Variants in PRMT3 observed in about 807,000 individuals in gnomAD.
PRMT3 encodes the protein protein arginine methyltransferase 3.
In PRMT3, 62 loss-of-function variants were observed where a neutral mutation model predicts 71.9. The ratio of observed to expected loss-of-function variants is 0.86; its 90% confidence interval spans 0.70 to 1.07. The LOEUF (loss-of-function observed/expected upper bound fraction) is 1.07, where lower values mean the gene tolerates loss of function less well. Among genes scored for constraint, PRMT3 ranks in the 50% least tolerant of loss-of-function variants. PRMT3 has a pLI of 0.00. For missense variants in PRMT3, 663 were observed against 643.0 expected (o/e 1.03, Z -0.34); for synonymous variants, 213 against 220.4 (o/e 0.97, Z 0.30).
chr11:20,417,708 A>G (rs922341456), intron 9 of PRMT3, among the ~76,000 whole-genome samples: 2 of 151,892 alleles, frequency 1.3e-5, no homozygotes, highest in Non-Finnish European at 2.9e-5. Flanking sequence ...ACTGTATACT[A>G]TCTCTTGTTG....
intron 10 of PRMT3, among the ~76,000 whole-genome samples, chr11:20,430,796 C>T (rs1003769167): frequency 1.3e-5 from 2 of 152,060 alleles, no homozygotes; most frequent in African/African-American, 2.4e-5. Flanking sequence ...AGTCATCATG[C>T]TCTACATTTT....
chr11:20,467,601 T>C (rs935258834), intron 13 of PRMT3, among the ~76,000 whole-genome samples: 5 of 118,904 alleles, frequency 4.2e-5, no homozygotes, highest in Non-Finnish European at 7.0e-5. Context: ...GGAAAGAGAA[T>C]ATGTATAATC....
intron 7 of PRMT3, 151 bp from the exon 8 acceptor site, chr11:20,402,768 G>T: frequency 5.1e-5 from 29 of 563,686 alleles, no homozygotes; most frequent in South Asian, 1.2e-4. Context: ...ATTCTTTATT[G>T]TTTTCTTAGG....
chr11:20,430,457 TAAG>T (rs1849631931), intron 10 of PRMT3, among the ~76,000 whole-genome samples: 2 of 152,190 alleles, frequency 1.3e-5, no homozygotes, highest in Admixed American at 6.5e-5. Context: ...TTTTTCTAGA[TAAG>T]AATGTAATTT....
chr11:20,392,214 T>C lies in PRMT3; in HGVS notation c.251T>C (p.Leu84Pro). The C allele has an allele frequency of 6.4e-7, 1 of 1,571,674 alleles. No homozygotes were observed. Among genetic ancestry groups the C allele is most frequent in the Non-Finnish European group, 8.7e-7 (1 of 1,152,070 alleles). The change falls in exon 4 of 16, where the codon CTT becomes CCT. Residue 84 changes from leucine (L) to proline (P), a missense_variant. Physicochemically the swap from Leu to Pro is moderately conservative, Grantham distance 98. Transcript: ENST00000331079. ...AATTATCTTTTTCCCCCTTTAGGAC[T>C]TGAATTTTATGGATACATTAAGCTA... ...NIDSMVHKHG[L>P]EFYGYIKLIN...
In PRMT3 at chr11:20,494,235, A is replaced by C. The variant is rs946211842; in HGVS notation, c.1467A>C (p.Lys489Asn). The change falls in exon 15 of 16, where the codon AAA becomes AAC. Residue 489 changes from lysine to asparagine, a missense_variant. Coordinates refer to ENST00000331079, the MANE Select transcript of PRMT3 (RefSeq NM_005788.4). ...AACAAACAGTATTTCTACTGGAAAA[A>C]CCATTTTCAGTTAAAGCAGGTGAGA... ...HWKQTVFLLE[K>N]PFSVKAGEAL... The C allele has an allele frequency of 1.9e-6, 3 of 1,604,158 alleles. No homozygotes were observed. The highest frequency in any genetic ancestry group is 2.7e-5 in the African/African-American group (2 of 74,704).
intron 5 of PRMT3, among the ~76,000 whole-genome samples, chr11:20,393,256 G>A (rs1848755877): frequency 6.6e-6 from 1 of 152,158 alleles, no homozygotes; most frequent in Admixed American, 6.5e-5. Flanking sequence ...GACCATCATG[G>A]CTAACACAGT....
At chr11:20,438,478 G>A (rs1414918994) in intron 10 of PRMT3, among the ~76,000 whole-genome samples, 2 of 152,098 alleles carry the variant, frequency 1.3e-5, no homozygotes, top group African/African-American at 4.8e-5. Flanking sequence ...GGGTGTCTCT[G>A]CAACTCGGAC....
chr11:20,481,170 T>C (rs922910980), intron 13 of PRMT3, among the ~76,000 whole-genome samples: 115 of 152,232 alleles, frequency 7.6e-4, no homozygotes, highest in Non-Finnish European at 8.8e-5. Flanking sequence ...CTTGAGGCTG[T>C]TGGATTCCAA....
rs543707539 is a variant in PRMT3, at chr11:20,440,536, A to G, written c.994-11594A>G. On this transcript the variant is annotated intron_variant, in intron 10 of 15. Coordinates refer to ENST00000331079, the MANE Select transcript of PRMT3 (RefSeq NM_005788.4). ...GAGAAAATAAATTGGACTGGACTACATCAAAATTAAGAAATTCTGTCATAA... is the reference window on the plus strand; with the variant it reads ...GAGAAAATAAATTGGACTGGACTACGTCAAAATTAAGAAATTCTGTCATAA... 1.5e-3 allele frequency among the ~76,000 whole-genome samples: 225 copies of G among 151,758 alleles called. 1 individual carries two copies. Among genetic ancestry groups the G allele is most frequent in the African/African-American group, 5.2e-3 (216 of 41,444 alleles).
intron 13 of PRMT3, among the ~76,000 whole-genome samples, chr11:20,485,917 T>TA (rs1383212035): frequency 6.6e-6 from 1 of 152,236 alleles, no homozygotes; most frequent in Non-Finnish European, 1.5e-5. Context: ...CAAATGTTTA[T>TA]AGCAGCATTA....
intron 2 of PRMT3, among the ~76,000 whole-genome samples, chr11:20,388,730 A>G (rs1848650182): frequency 6.6e-6 from 1 of 152,244 alleles, no homozygotes; most frequent in Non-Finnish European, 1.5e-5. Context: ...CACTTAAGGA[A>G]AAAGACTGTA....
intron 13 of PRMT3, among the ~76,000 whole-genome samples, chr11:20,472,112 A>C (rs1040012672): frequency 6.6e-6 from 1 of 152,132 alleles, no homozygotes; most frequent in Non-Finnish European, 1.5e-5. Flanking sequence ...GAGATGATGG[A>C]GTTTTCTAGA....
chr11:20,450,861 C>G (rs894128638), intron 10 of PRMT3, among the ~76,000 whole-genome samples: 2 of 152,070 alleles, frequency 1.3e-5, no homozygotes, highest in Admixed American at 1.3e-4. Flanking sequence ...ATTATACTTA[C>G]CCCACTGATC....
rs546626181 is a variant in PRMT3 at position 20,452,313 on chromosome 11, G to C, written c.1072+105G>C. 1,899 of 846,440 alleles carry C rather than the reference G, an allele frequency of 2.2e-3. 3 individuals are homozygous for C. Among genetic ancestry groups the C allele is most frequent in the Non-Finnish European group, 3.3e-3 (1,706 of 524,260 alleles). 52.4% of individuals were successfully genotyped at this position (846,440 alleles called of 1,614,324 possible). The stretch of plus-strand genomic sequence containing the variant: ...TGCATGGCTGAGGAAGTTCCCGATA[G>C]GGTTGAAAGATGTTTGCATTACAAG... On this transcript the variant is annotated intron_variant, in intron 11 of 15. Transcript: ENST00000331079.
At chr11:20,429,625 A>G (rs80300177) in intron 10 of PRMT3, among the ~76,000 whole-genome samples, 4,978 of 152,342 alleles carry the variant, frequency 0.033, 193 homozygotes, top group Admixed American at 0.12. Context: ...TCAGGAAGGG[A>G]TAACTAAGAA....
chr11:20,394,929 C>T (rs1437419691), intron 5 of PRMT3, among the ~76,000 whole-genome samples: 1 of 152,082 alleles, frequency 6.6e-6, no homozygotes, highest in Non-Finnish European at 1.5e-5. Flanking sequence ...GAATTTAATA[C>T]CTGCTACAAT....
intron 9 of PRMT3, among the ~76,000 whole-genome samples, chr11:20,408,847 A>G (rs1182207216): frequency 6.6e-6 from 1 of 151,952 alleles, no homozygotes; most frequent in East Asian, 1.9e-4. Flanking sequence ...TAATCCCAGC[A>G]CTTTGGGAGG....
chr11:20,416,475 C>T (rs944683255), intron 9 of PRMT3, among the ~76,000 whole-genome samples: 8 of 151,988 alleles, frequency 5.3e-5, no homozygotes, highest in African/African-American at 1.9e-4. Flanking sequence ...TAATGTGTCC[C>T]AACTACCAGG....
Sources: allele counts gnomAD v4.1 joint callset (sites outside exome capture counted in the v4.1 genomes callset), GRCh38; gene constraint gnomAD v4.1.1; transcripts MANE v1.5; gene names NCBI Gene and HGNC (gene_info 2026-07-23, HGNC 2026-07-21).